TMEM114: variants seen among roughly 807,000 people sequenced by gnomAD.
TMEM114 encodes claudin-26.
A neutral mutation model predicts 6.2 loss-of-function variants in TMEM114; 6 were observed. The observed-to-expected ratio is 0.97, with a 90% CI of 0.53 to 1.91. The LOEUF (loss-of-function observed/expected upper bound fraction) is 1.91. Among genes scored for constraint, TMEM114 ranks in the 40% most tolerant of loss-of-function variants. The pLI is 0.01. For synonymous variants in TMEM114, 104 were observed against 73.0 expected (o/e 1.42, Z -2.16); for missense variants, 218 against 158.3 (o/e 1.38, Z -2.02).
the TMEM114 span, among the ~76,000 whole-genome samples, chr16:8,530,559 C>G: frequency 7.2e-6 from 1 of 137,952 alleles, no homozygotes; most frequent in Non-Finnish European, 1.6e-5. Context: ...GAAAGGAAGA[C>G]AGCGAGGGAG....
chr16:8,537,026 T>C (rs1014508308), downstream of TMEM114, among the ~76,000 whole-genome samples: 1 of 151,782 alleles, frequency 6.6e-6, no homozygotes, highest in African/African-American at 2.4e-5. Flanking sequence ...GGCAACAAGA[T>C]GAAACCCTAT....
downstream of TMEM114, among the ~76,000 whole-genome samples, chr16:8,535,433 G>T (rs572877533): frequency 3.3e-5 from 5 of 151,510 alleles, no homozygotes; most frequent in African/African-American, 9.7e-5. Flanking sequence ...TACAATCTTC[G>T]CTGAAAGACA....
chr16:8,561,682 T>G (rs1232328886), intron 2 of TMEM114, among the ~76,000 whole-genome samples: 3 of 152,166 alleles, frequency 2.0e-5, no homozygotes, highest in African/African-American at 7.2e-5. Flanking sequence ...AATAAATGAA[T>G]GAGTGAGCGA....
chr16:8,560,102 C>G (rs1480522684), intron 2 of TMEM114, among the ~76,000 whole-genome samples: 2 of 152,174 alleles, frequency 1.3e-5, no homozygotes, highest in Admixed American at 6.5e-5. Flanking sequence ...GCTCAATTCC[C>G]CCACCTCAGC....
intron 2 of TMEM114, among the ~76,000 whole-genome samples, chr16:8,576,058 G>A (rs999938000): frequency 3.3e-5 from 5 of 152,128 alleles, no homozygotes; most frequent in African/African-American, 1.2e-4. Context: ...TCCGACATCA[G>A]ACGAGGTCAT....
chr16:8,561,558 A>G (rs1209210634), intron 2 of TMEM114, among the ~76,000 whole-genome samples: 3 of 152,248 alleles, frequency 2.0e-5, no homozygotes, highest in African/African-American at 7.2e-5. Flanking sequence ...CACCTGGCAC[A>G]TCAGGCATCA....
downstream of TMEM114, among the ~76,000 whole-genome samples, chr16:8,566,860 C>G (rs1901562805): frequency 6.6e-6 from 1 of 150,916 alleles, no homozygotes; most frequent in African/African-American, 2.4e-5. Flanking sequence ...TTCCTGGAGT[C>G]ACATCTCTAC....
chr16:8,540,657 T>C (rs1900492088), intron 2 of TMEM114, among the ~76,000 whole-genome samples: 1 of 152,232 alleles, frequency 6.6e-6, no homozygotes, highest in African/African-American at 2.4e-5. Context: ...GACCACTCAC[T>C]ATAGCTCAGC....
At chr16:8,537,307 C>G (rs141071267), downstream of TMEM114, among the ~76,000 whole-genome samples, 813 of 152,222 alleles carry the variant, frequency 5.3e-3, 10 homozygotes, top group African/African-American at 0.018. Flanking sequence ...TCAAGACCAG[C>G]CTGGCCAACA....
chr16:8,540,344 G>A (rs974062544), intron 2 of TMEM114, among the ~76,000 whole-genome samples: 19 of 152,282 alleles, frequency 1.2e-4, no homozygotes, highest in Non-Finnish European at 2.4e-4. Flanking sequence ...AGGAATCCCA[G>A]CTGATCGCTC....
At chr16:8,552,185 G>A (rs1900865737) in intron 2 of TMEM114, among the ~76,000 whole-genome samples, 1 of 151,216 alleles carries the variant, frequency 6.6e-6, no homozygotes, top group African/African-American at 2.4e-5. Context: ...GACCAGCCTG[G>A]GCAACACAGC....
the TMEM114 span, among the ~76,000 whole-genome samples, chr16:8,529,810 T>G: frequency 3.9e-3 from 600 of 152,160 alleles, 1 homozygote; most frequent in East Asian, 0.034. Context: ...GTCTTGGGCA[T>G]GTGGAGAGTT....
intron 2 of TMEM114, among the ~76,000 whole-genome samples, chr16:8,543,841 A>G (rs574042257): frequency 1.3e-5 from 2 of 152,344 alleles, no homozygotes; most frequent in African/African-American, 4.8e-5. Flanking sequence ...ACAAATAAAT[A>G]TTCTCTATAG....
intron 2 of TMEM114, among the ~76,000 whole-genome samples, chr16:8,562,382 G>GAATT (rs1567202179): frequency 1.3e-5 from 2 of 151,358 alleles, no homozygotes; most frequent in Non-Finnish European, 2.9e-5. Flanking sequence ...ATGAGTGAGT[G>GAATT]AGGGAATGAG....
At position 8,573,496 on chromosome 16, in the gene TMEM114, G is replaced by C. The variant is rs549309140; in HGVS notation, c.302-1272C>G. On this transcript the variant is annotated intron_variant, in intron 2 of 3. Transcript: ENST00000620492. ...TGAATGGAGGAGGAGGAAGTCTAAG[G>C]TTTCAGGGTCTATACCTCTGTCACT... Among the ~76,000 whole-genome samples, 43 of 152,186 alleles carry C rather than the reference G, an allele frequency of 2.8e-4. 1 individual carries two copies. Among genetic ancestry groups the C allele is most frequent in the Middle Eastern group, 3.4e-3 (1 of 294 alleles).
At chr16:8,529,757 C>G in the TMEM114 span, among the ~76,000 whole-genome samples, 2 of 151,970 alleles carry the variant, frequency 1.3e-5, no homozygotes, top group South Asian at 4.2e-4. Context: ...CCTGATGTCT[C>G]AAGTCTCACC....
chr16:8,549,099 G>A (rs998087874), intron 2 of TMEM114, among the ~76,000 whole-genome samples: 1 of 148,442 alleles, frequency 6.7e-6, no homozygotes, highest in East Asian at 2.0e-4. Flanking sequence ...GGAGAATGGC[G>A]TGAACCCTGG....
At chr16:8,540,003 A>C (rs758229284) in intron 2 of TMEM114, among the ~76,000 whole-genome samples, 21 of 151,946 alleles carry the variant, frequency 1.4e-4, no homozygotes, top group Non-Finnish European at 2.4e-4. Context: ...TTTTTAGTAG[A>C]GATGGGGTTT....
At chr16:8,554,798 G>A (rs1168642788) in intron 2 of TMEM114, among the ~76,000 whole-genome samples, 1 of 152,152 alleles carries the variant, frequency 6.6e-6, no homozygotes, top group African/African-American at 2.4e-5. Flanking sequence ...TTATGCAACG[G>A]CCACAACAAC....
Sources: allele counts gnomAD v4.1 joint callset (sites outside exome capture counted in the v4.1 genomes callset), GRCh38; gene constraint gnomAD v4.1.1; transcripts MANE v1.5; gene names NCBI Gene and HGNC (gene_info 2026-07-23, HGNC 2026-07-21).